The following RFX4 variants were observed in gnomAD, a reference collection of about 807,000 sequenced individuals.
RFX4 encodes transcription factor RFX4.
Under a neutral mutation model 95.0 loss-of-function variants are expected in RFX4, and 10 were observed. The ratio of observed to expected loss-of-function variants is 0.11; its 90% confidence interval spans 0.06 to 0.18. The LOEUF (loss-of-function observed/expected upper bound fraction) is 0.18, where lower values mean the gene tolerates loss of function less well. RFX4 is among the 10% of genes least tolerant of loss of function. The probability of loss-of-function intolerance (pLI) is 1.00; values close to 1 mark genes in which losing one functional copy is unlikely to be tolerated. For synonymous variants in RFX4, 321 were observed against 340.7 expected, an observed-to-expected ratio of 0.94 and a Z score of 0.64; for missense variants, 640 against 922.0, an observed-to-expected ratio of 0.69 and a Z score of 3.96.
intron 2 of RFX4, among the ~76,000 whole-genome samples, chr12:106,621,846 C>T (rs71452918): frequency 1.2e-4 from 19 of 152,154 alleles, no homozygotes; most frequent in African/African-American, 2.9e-4. Context: ...TTCGGGAAAA[C>T]GCCAAGGTGG....
intron 4 of RFX4, among the ~76,000 whole-genome samples, chr12:106,672,711 T>C (rs1033701260): frequency 6.6e-6 from 1 of 151,468 alleles, no homozygotes; most frequent in Non-Finnish European, 1.5e-5. Flanking sequence ...AGTTGATTAT[T>C]TGGTGAAAGG....
In RFX4 at chr12:106,720,586, G is replaced by A. The variant is rs905452498; in HGVS notation, c.1234-173G>A. The stretch of plus-strand genomic sequence containing the variant: ...TTTGTAGAGATGGGGTTTCTGCCAC[G>A]TTGCCCAGGCTGGTCTCAAACTCCT... On this transcript the variant is annotated intron_variant, in intron 12 of 17. Coordinates refer to ENST00000392842, the MANE Select transcript of RFX4 (RefSeq NM_213594.3). This position sits in a 1 kb window ranked among gnomAD's most constrained non-coding sequence, Gnocchi z 4.2. Among the ~76,000 whole-genome samples the A allele has an allele frequency of 2.6e-5, 4 of 152,024 alleles. No individual in the cohort carries two copies. The highest frequency in any genetic ancestry group is 6.5e-5 in the Admixed American group (1 of 15,278).
chr12:106,734,998 G>A (rs2042683146), intron 15 of RFX4, among the ~76,000 whole-genome samples: 1 of 148,982 alleles, frequency 6.7e-6, no homozygotes, highest in African/African-American at 2.5e-5. Flanking sequence ...AGGCTGCAGT[G>A]AGCTATGATC....
At chr12:106,723,475 A>C (rs578019172) in intron 13 of RFX4, among the ~76,000 whole-genome samples, 2 of 152,344 alleles carry the variant, frequency 1.3e-5, no homozygotes, top group South Asian at 2.1e-4. Flanking sequence ...CTGGAAGGTA[A>C]TAATAGTTCC....
intron 8 of RFX4, among the ~76,000 whole-genome samples, chr12:106,701,351 A>T (rs1444391462): frequency 4.0e-5 from 6 of 151,868 alleles, no homozygotes; most frequent in Non-Finnish European, 8.8e-5. Context: ...GATGTGTCTC[A>T]ATGCTTTGTG....
chr12:106,733,042 T>C lies in RFX4; in HGVS notation c.1590T>C (p.Pro530=). ...TGGAAGTGCCACCTCCCTCTTCCCC[T>C]GTTAGCAATCCTTCCCCTGAGTACA... The part of the protein sequence containing the change: ...TSVEVPPPSS[P]VSNPSPEYTG... Residue 530 remains proline, a synonymous_variant, in exon 15 of 18, where the codon CCT becomes CCC. Transcript: ENST00000392842. 2 of 1,614,180 alleles carry C rather than the reference T, an allele frequency of 1.2e-6. No homozygotes were observed. The highest frequency in any genetic ancestry group is 1.1e-5 in the South Asian group (1 of 91,080).
chr12:106,713,401 G>T (rs990519477), intron 10 of RFX4, among the ~76,000 whole-genome samples: 2 of 152,172 alleles, frequency 1.3e-5, no homozygotes, highest in African/African-American at 4.8e-5. Context: ...AAAATTAAAA[G>T]TGTTAAATGT....
Position 106,641,961 on chromosome 12 carries a change from CTATATCTATCTA to C in RFX4, c.191+2573_191+2584del, listed in dbSNP as rs1420535927. On this transcript the variant is annotated intron_variant, in intron 3 of 17. Transcript: ENST00000392842. ...TATCTATGTCTATATCTATCTATATCTATATCTATCTATATCTATATCTATATCTATATCTAT... is the reference window on the plus strand; with the variant it reads ...TATCTATGTCTATATCTATCTATATCTATCTATATCTATATCTATATCTAT... 2.9e-3 allele frequency among the ~76,000 whole-genome samples: 370 copies of C among 127,742 alleles called. 1 individual carries two copies. The highest frequency in any genetic ancestry group is 0.011 in the African/African-American group (356 of 32,062). The allele number at this position is 127,742 out of a possible 152,430, so 83.8% of individuals were successfully genotyped here. A position where few individuals can be genotyped will look rare whatever the true frequency, so the allele number is the denominator to read the frequency against.
chr12:106,688,150 A>C (rs1250738923), intron 6 of RFX4, among the ~76,000 whole-genome samples: 2 of 148,820 alleles, frequency 1.3e-5, no homozygotes, highest in Non-Finnish European at 3.0e-5. Context: ...GCTCACTGCA[A>C]CCTCCGCCTC....
intron 8 of RFX4, among the ~76,000 whole-genome samples, chr12:106,697,313 A>G (rs1250365295): frequency 6.6e-6 from 1 of 152,190 alleles, no homozygotes; most frequent in Non-Finnish European, 1.5e-5. Flanking sequence ...ACATCCATGT[A>G]TAAGGTATAA....
intron 17 of RFX4, among the ~76,000 whole-genome samples, chr12:106,752,825 C>T (rs1327625333): frequency 6.6e-6 from 1 of 152,124 alleles, no homozygotes; most frequent in Non-Finnish European, 1.5e-5. Context: ...TTGCACTTGG[C>T]TGCATTTGGG....
intron 2 of RFX4, among the ~76,000 whole-genome samples, chr12:106,617,870 G>T (rs1292789895): frequency 6.6e-6 from 1 of 152,080 alleles, no homozygotes; most frequent in Non-Finnish European, 1.5e-5. Flanking sequence ...GGGATTACAG[G>T]TGCCTGTCAC....
chr12:106,657,997 A>G (rs1483698437), intron 4 of RFX4, among the ~76,000 whole-genome samples: 5 of 152,140 alleles, frequency 3.3e-5, no homozygotes, highest in African/African-American at 9.7e-5. Context: ...ATACAGAAGC[A>G]TTATATATAC....
intron 9 of RFX4, among the ~76,000 whole-genome samples, chr12:106,711,021 A>G (rs1224049752): frequency 6.6e-6 from 1 of 152,246 alleles, no homozygotes; most frequent in Non-Finnish European, 1.5e-5. Flanking sequence ...CACACCGCTG[A>G]GGCTCAATCA....
chr12:106,727,723 C>T (rs918858120), intron 13 of RFX4, among the ~76,000 whole-genome samples: 1 of 151,990 alleles, frequency 6.6e-6, no homozygotes, highest in Non-Finnish European at 1.5e-5. Flanking sequence ...GGGTTCAAAC[C>T]ATTCTCCTGC....
intron 2 of RFX4, among the ~76,000 whole-genome samples, chr12:106,615,103 C>A (rs2040047768): frequency 6.6e-6 from 1 of 152,128 alleles, no homozygotes. Flanking sequence ...CATCTAGCAG[C>A]TTTACTATTT....
rs144481690 is a variant in RFX4 at position 106,694,860 on chromosome 12, C to A, written c.670-1423C>A. 4.0e-3 allele frequency among the ~76,000 whole-genome samples: 615 copies of A among 152,144 alleles called. 20 individuals carry two copies. The East Asian group carries it at 0.075, about 19-fold the overall frequency. ...GACCAGCCTGGTCAACATGGCGAAA[C>A]CCCGTCTCTACTTAAAAAATACAAA... On this transcript the variant is annotated intron_variant, in intron 7 of 17. Coordinates refer to ENST00000392842, the MANE Select transcript of RFX4 (RefSeq NM_213594.3).
chr12:106,705,768 T>G (rs1226941037), intron 8 of RFX4, among the ~76,000 whole-genome samples: 2 of 151,956 alleles, frequency 1.3e-5, no homozygotes, highest in African/African-American at 4.8e-5. Flanking sequence ...AGGGGGACAG[T>G]TTGGACAAGA....
At chr12:106,654,914 G>A (rs890445924) in intron 4 of RFX4, among the ~76,000 whole-genome samples, 1 of 152,134 alleles carries the variant, frequency 6.6e-6, no homozygotes, top group African/African-American at 2.4e-5. Flanking sequence ...CATTCTTTAA[G>A]ACTGATCATT....
Sources: gnomAD v4.1 joint callset for allele counts (sites outside exome capture counted in the v4.1 genomes callset) on GRCh38, gnomAD v4.1.1 for gene constraint, Gnocchi (gnomAD v3.1) non-coding constraint, MANE v1.5 for transcripts, NCBI Gene and HGNC (gene_info 2026-07-23, HGNC 2026-07-21) for gene names.